The following NAV3 variants were observed in gnomAD, a reference collection of about 807,000 sequenced individuals.
The protein encoded by NAV3 is pore membrane and/or filament interacting like protein 1.
Under a neutral mutation model 244.7 loss-of-function variants are expected in NAV3, and 87 were observed. That is an observed-to-expected ratio of 0.36 (90% CI 0.30 to 0.42). The LOEUF is 0.42. NAV3 is among the 20% of genes least tolerant of loss of function. NAV3 has a pLI of 1.00. For missense variants in NAV3, 2,663 were observed against 2,893.3 expected (o/e 0.92, Z 1.83); for synonymous variants, 1,126 against 1,042.2 (o/e 1.08, Z -1.55).
intron 8 of NAV3, among the ~76,000 whole-genome samples, chr12:78,008,271 AT>A (rs1874593629): frequency 1.3e-5 from 2 of 150,136 alleles, no homozygotes; most frequent in African/African-American, 4.9e-5. Flanking sequence ...TTGCATTCTT[AT>A]TTTGTAGGCA....
intron 23 of NAV3, among the ~76,000 whole-genome samples, chr12:78,159,870 T>C (rs564437014): frequency 1.8e-4 from 27 of 152,116 alleles, no homozygotes; most frequent in Middle Eastern, 6.8e-3. Context: ...AGAGAAACAG[T>C]CACATAAGAG....
At chr12:78,059,436 G>A (rs186702563) in intron 12 of NAV3, among the ~76,000 whole-genome samples, 9 of 151,924 alleles carry the variant, frequency 5.9e-5, no homozygotes, top group African/African-American at 1.7e-4. Context: ...CTCCAGGCAC[G>A]CACCACCATG....
chr12:78,017,422 G>A (rs1246503631), intron 8 of NAV3, among the ~76,000 whole-genome samples: 1 of 152,072 alleles, frequency 6.6e-6, no homozygotes. Context: ...GACAGAGTGA[G>A]ACCCTATCTC....
intron 1 of NAV3, among the ~76,000 whole-genome samples, chr12:77,882,677 A>G (rs531987920): frequency 1.3e-5 from 2 of 152,282 alleles, no homozygotes; most frequent in South Asian, 4.1e-4. Flanking sequence ...TTCACAAACT[A>G]TGTATTCAAT....
chr12:77,684,823 A>G (rs1319409247), intron 2 of NAV3, among the ~76,000 whole-genome samples: 1 of 152,084 alleles, frequency 6.6e-6, no homozygotes, highest in Non-Finnish European at 1.5e-5. Context: ...CCTGAGTTAA[A>G]TTTTTGCATA....
intron 8 of NAV3, among the ~76,000 whole-genome samples, chr12:78,009,944 G>A (rs1874969567): frequency 6.6e-6 from 1 of 152,102 alleles, no homozygotes; most frequent in African/African-American, 2.4e-5. Flanking sequence ...GGTTGGCATG[G>A]TGGCTCATGC....
intron 19 of NAV3, among the ~76,000 whole-genome samples, chr12:78,139,178 G>T (rs950983962): frequency 1.3e-5 from 2 of 151,972 alleles, no homozygotes; most frequent in Non-Finnish European, 2.9e-5. Context: ...AGAAAACTGG[G>T]GGTTCTTCTT....
At chr12:77,922,614 C>A (rs940082654) in intron 1 of NAV3, among the ~76,000 whole-genome samples, 1 of 152,128 alleles carries the variant, frequency 6.6e-6, no homozygotes, top group African/African-American at 2.4e-5. Context: ...CTATGTCCAG[C>A]ATTGACTTTA....
intron 34 of NAV3, among the ~76,000 whole-genome samples, chr12:78,193,548 C>A (rs1272955579): frequency 6.6e-6 from 1 of 152,104 alleles, no homozygotes; most frequent in Non-Finnish European, 1.5e-5. Flanking sequence ...CAACTCCCAT[C>A]TGGTAGATAT....
chr12:78,169,182 A>G (rs1396262150), intron 24 of NAV3, among the ~76,000 whole-genome samples: 1 of 151,692 alleles, frequency 6.6e-6, no homozygotes, highest in Non-Finnish European at 1.5e-5. Flanking sequence ...GTGGTTGGTT[A>G]ATACATGCAT....
chr12:78,032,797 C>T (rs1879218811), intron 9 of NAV3, among the ~76,000 whole-genome samples: 1 of 152,120 alleles, frequency 6.6e-6, no homozygotes, highest in Non-Finnish European at 1.5e-5. Flanking sequence ...CCTCAGAGGC[C>T]ATCCCTTTCA....
chr12:78,189,837 A>AT, intron 33 of NAV3, 147 bp from the exon 34 acceptor site: 1 of 619,502 alleles, frequency 1.6e-6, no homozygotes. Context: ...ATGGCAACGC[A>AT]TATTTGTGGG....
intron 5 of NAV3, among the ~76,000 whole-genome samples, chr12:77,977,089 CAG>C (rs1216841602): frequency 3.9e-5 from 6 of 152,086 alleles, no homozygotes; most frequent in Non-Finnish European, 7.4e-5. Flanking sequence ...CAATCTAGTA[CAG>C]AGTTTGTGTT....
At chr12:78,030,569 A>T (rs1878809187) in intron 9 of NAV3, among the ~76,000 whole-genome samples, 1 of 152,194 alleles carries the variant, frequency 6.6e-6, no homozygotes, top group South Asian at 2.1e-4. Flanking sequence ...TAAACTCAGA[A>T]GATTGTTGTG....
At chr12:78,106,113 C>T (rs955980005) in intron 12 of NAV3, among the ~76,000 whole-genome samples, 3 of 151,492 alleles carry the variant, frequency 2.0e-5, no homozygotes, top group Non-Finnish European at 4.4e-5. Context: ...AGAGAGCATA[C>T]AGATTAGCAA....
At chr12:78,005,104 G>A (rs1326117356) in intron 7 of NAV3, among the ~76,000 whole-genome samples, 4 of 151,988 alleles carry the variant, frequency 2.6e-5, no homozygotes, top group Admixed American at 6.6e-5. Flanking sequence ...TACCCTCTCC[G>A]ATCAACCCCA....
At chr12:78,011,198 A>G (rs1166016847) in intron 8 of NAV3, among the ~76,000 whole-genome samples, 2 of 152,202 alleles carry the variant, frequency 1.3e-5, no homozygotes, top group African/African-American at 4.8e-5. Context: ...TAAGATGGCC[A>G]TCTGAAGTAT....
intron 12 of NAV3, among the ~76,000 whole-genome samples, chr12:78,097,651 T>C (rs778757591): frequency 2.0e-5 from 3 of 152,182 alleles, no homozygotes; most frequent in Non-Finnish European, 4.4e-5. Context: ...GTTAATACTT[T>C]TGTAATTTTG....
intron 1 of NAV3, among the ~76,000 whole-genome samples, chr12:77,923,687 A>G (rs924730619): frequency 6.6e-6 from 1 of 152,172 alleles, no homozygotes; most frequent in Non-Finnish European, 1.5e-5. Context: ...AAAAGGTTAT[A>G]TGAAGTTCCA....
Sources: allele counts gnomAD v4.1 joint callset (sites outside exome capture counted in the v4.1 genomes callset), GRCh38; gene constraint gnomAD v4.1.1; transcripts MANE v1.5; gene names NCBI Gene and HGNC (gene_info 2026-07-23, HGNC 2026-07-21).